Variants in GFOD1 observed in about 807,000 individuals in gnomAD.
GFOD1 encodes the protein Gfo/Idh/MocA-like oxidoreductase domain containing 1.
In GFOD1, 9 loss-of-function variants were observed where a neutral mutation model predicts 25.4. The ratio of observed to expected loss-of-function variants is 0.35; its 90% CI spans 0.21 to 0.62. The LOEUF is 0.62. GFOD1 is among the 20% of genes least tolerant of loss of function. The probability of loss-of-function intolerance (pLI) is 0.72; values close to 1 mark genes in which losing one functional copy is unlikely to be tolerated. For synonymous variants in GFOD1, 253 were observed against 245.6 expected, an observed-to-expected ratio of 1.03 and a Z score of -0.28; for missense variants, 403 against 556.9, an observed-to-expected ratio of 0.72 and a Z score of 2.78.
intron 1 of GFOD1, among the ~76,000 whole-genome samples, chr6:13,415,267 T>C (rs1786144159): frequency 6.6e-6 from 1 of 152,196 alleles, no homozygotes; most frequent in African/African-American, 2.4e-5. Flanking sequence ...CTTGAGCACA[T>C]GGGACAGTTC....
intron 1 of GFOD1, among the ~76,000 whole-genome samples, chr6:13,375,163 G>A (rs938835470): frequency 2.6e-5 from 4 of 152,112 alleles, no homozygotes; most frequent in Non-Finnish European, 4.4e-5. Flanking sequence ...GCTATAGAAC[G>A]CTAGGACTTA....
chr6:13,468,883 A>G (rs1758425567), intron 1 of GFOD1, among the ~76,000 whole-genome samples: 1 of 151,988 alleles, frequency 6.6e-6, no homozygotes. Context: ...TATGGAACCA[A>G]ATGTGTTTAA....
In GFOD1 at chr6:13,366,183, TTTTG is replaced by T. The variant is rs565094789; in HGVS notation, c.254-525_254-522del. Among the ~76,000 whole-genome samples the T allele has an allele frequency of 7.2e-5, 11 of 152,264 alleles. No homozygotes were observed. The South Asian group carries it at 1.7e-3, about 23-fold the overall frequency. On this transcript the variant is annotated intron_variant, in intron 1 of 1. Coordinates refer to ENST00000379287, the MANE Select transcript of GFOD1 (RefSeq NM_018988.4). ...ATGTTGCATTACTTAATTTGTTGTT[TTTTG>T]TTTGTTTGTTTTTGAGACAGAATCT...
chr6:13,408,174 C>T, intron 1 of GFOD1: 1 of 760,214 alleles, frequency 1.3e-6, no homozygotes, highest in Non-Finnish European at 1.6e-6. Context: ...ATAGCCTCTG[C>T]CTGATCAGAA....
intron 1 of GFOD1, among the ~76,000 whole-genome samples, chr6:13,459,979 T>C (rs570424941): frequency 5.3e-5 from 8 of 152,016 alleles, no homozygotes; most frequent in African/African-American, 1.9e-4. Flanking sequence ...ACTAAAAATA[T>C]AAAAATTAAC....
At position 13,413,839 on chromosome 6, in the gene GFOD1, T is replaced by G. The variant is rs534194368; in HGVS notation, c.254-48177A>C. The stretch of plus-strand genomic sequence containing the variant: ...AACGAGGTTCAATCTCAAAGCTTAG[T>G]TTGGTTCCGTCCCTTGCACAGGTTA... On this transcript the variant is annotated intron_variant, in intron 1 of 1. Transcript: ENST00000379287. Among the ~76,000 whole-genome samples, 3 of 152,320 alleles carry G rather than the reference T, an allele frequency of 2.0e-5. No homozygotes were observed. The East Asian group carries it at 5.8e-4, about 29-fold the overall frequency.
chr6:13,403,406 G>A lies in GFOD1; in HGVS notation c.254-37744C>T, dbSNP rs574129306. Among the ~76,000 whole-genome samples, 5 of 152,246 alleles carry A rather than the reference G, an allele frequency of 3.3e-5. No individual in the cohort carries two copies. The South Asian group carries it at 6.2e-4, about 19-fold the overall frequency. ...CTCCCAAAGTGCTAGGATTACAGGC[G>A]TGAGCCACCGTGCCCAGCCTGATGA... On this transcript the variant is annotated intron_variant, in intron 1 of 1. Transcript: ENST00000379287.
chr6:13,470,308 T>A, intron 1 of GFOD1: 1 of 1,583,380 alleles, frequency 6.3e-7, no homozygotes, highest in Non-Finnish European at 8.6e-7. Flanking sequence ...GGAGGCCCGC[T>A]GCATTCAGGC....
intron 1 of GFOD1, 98 bp downstream of exon 1, chr6:13,486,540 G>T: frequency 9.9e-7 from 1 of 1,008,998 alleles, no homozygotes; most frequent in Non-Finnish European, 1.5e-6. Flanking sequence ...TGCAGGGTAA[G>T]CTTCTGGGAT....
chr6:13,450,956 T>C (rs7751772), intron 1 of GFOD1, among the ~76,000 whole-genome samples: 2,590 of 152,342 alleles, frequency 0.017, 80 homozygotes, highest in African/African-American at 0.059. Flanking sequence ...GTGAGGTATG[T>C]AAATCCCAGG....
At chr6:13,440,623 C>G (rs533653680) in intron 1 of GFOD1, among the ~76,000 whole-genome samples, 1 of 152,334 alleles carries the variant, frequency 6.6e-6, no homozygotes, top group African/African-American at 2.4e-5. Context: ...CGGACTTCCT[C>G]CCATTTCAGG....
rs1312319829 is a variant in GFOD1, at chr6:13,361,087, A to G, written c.*3656T>C. ...ACTTAAAATACTCTGCACACAGTGG[A>G]CAAGTCTTGGAGTTGGCCAGTCTTG... On this transcript the variant is annotated 3_prime_UTR_variant, in exon 2 of 2. Transcript: ENST00000379287. 29 of 350,882 alleles carry G rather than the reference A, an allele frequency of 8.3e-5. No homozygotes were observed. The East Asian group carries it at 2.2e-3, about 26-fold the overall frequency. The allele number at this position is 350,882 out of a possible 1,614,324, so 21.7% of individuals were successfully genotyped here.
At chr6:13,440,365 A>G (rs1251790445) in intron 1 of GFOD1, among the ~76,000 whole-genome samples, 2 of 151,960 alleles carry the variant, frequency 1.3e-5, no homozygotes, top group South Asian at 2.1e-4. Context: ...ATTTTTGTAT[A>G]TTTTTAGTAG....
chr6:13,385,455 A>T (rs1209624650), intron 1 of GFOD1, among the ~76,000 whole-genome samples: 1 of 152,210 alleles, frequency 6.6e-6, no homozygotes, highest in African/African-American at 2.4e-5. Flanking sequence ...TGCAACAAGG[A>T]GTAGTGGCTG....
intron 1 of GFOD1, among the ~76,000 whole-genome samples, chr6:13,451,688 G>A (rs1351101944): frequency 1.3e-5 from 2 of 152,180 alleles, no homozygotes; most frequent in Admixed American, 6.5e-5. Flanking sequence ...GGGAGCAGGC[G>A]GGCAAGTCAG....
At chr6:13,382,591 T>C (rs1311401224) in intron 1 of GFOD1, among the ~76,000 whole-genome samples, 1 of 152,164 alleles carries the variant, frequency 6.6e-6, no homozygotes, top group Non-Finnish European at 1.5e-5. Context: ...TTATTAGCAG[T>C]GTGAGAACAG....
At chr6:13,374,728 C>CTTTTTTTTTT (rs147560408) in intron 1 of GFOD1, among the ~76,000 whole-genome samples, 3 of 66,778 alleles carry the variant, frequency 4.5e-5, no homozygotes, top group East Asian at 5.8e-4. Context: ...CATCTCAAAT[C>CTTTTTTTTTT]TTTTTTTTTT....
chr6:13,451,296 T>G (rs1374128089), intron 1 of GFOD1, among the ~76,000 whole-genome samples: 1 of 152,148 alleles, frequency 6.6e-6, no homozygotes, highest in East Asian at 1.9e-4. Context: ...TGACGAGGCC[T>G]TCATCCACGG....
chr6:13,478,437 C>T (rs776286164), intron 1 of GFOD1, among the ~76,000 whole-genome samples: 32 of 152,320 alleles, frequency 2.1e-4, no homozygotes, highest in Non-Finnish European at 4.1e-4. Flanking sequence ...CACACCCAGC[C>T]GAAATGTCCA....
Sources: allele counts gnomAD v4.1 joint callset (sites outside exome capture counted in the v4.1 genomes callset), GRCh38; gene constraint gnomAD v4.1.1; transcripts MANE v1.5; gene names NCBI Gene and HGNC (gene_info 2026-07-23, HGNC 2026-07-21).